The following CIMIP6 variants were observed in gnomAD, a reference collection of about 807,000 sequenced individuals.
The protein encoded by CIMIP6 is ciliary microtubule inner protein 6.
the CIMIP6 span, among the ~76,000 whole-genome samples, chr2:54,374,399 A>G: frequency 6.6e-6 from 1 of 152,220 alleles, no homozygotes; most frequent in Non-Finnish European, 1.5e-5. Flanking sequence ...TGAGATTATA[A>G]AACTTGTTTG....
the CIMIP6 span, among the ~76,000 whole-genome samples, chr2:54,352,945 C>T: frequency 6.6e-6 from 1 of 152,288 alleles, no homozygotes; most frequent in East Asian, 1.9e-4. Flanking sequence ...ATCTTTTAAA[C>T]TTACTGTTCC....
the CIMIP6 span, among the ~76,000 whole-genome samples, chr2:54,378,619 T>C: frequency 1.3e-5 from 2 of 152,176 alleles, no homozygotes; most frequent in African/African-American, 2.4e-5. Context: ...CATATTATAA[T>C]TAACAATAAA....
the CIMIP6 span, among the ~76,000 whole-genome samples, chr2:54,379,733 T>C: frequency 1.3e-5 from 2 of 151,830 alleles, no homozygotes; most frequent in African/African-American, 2.4e-5. Flanking sequence ...TCCCAGCACT[T>C]TGGAGGCCAA....
chr2:54,352,847 G>T, the CIMIP6 span, among the ~76,000 whole-genome samples: 2 of 152,122 alleles, frequency 1.3e-5, no homozygotes, highest in Non-Finnish European at 2.9e-5. Flanking sequence ...TATTTTTGTG[G>T]TTTATTTTTC....
At chr2:54,371,940 A>C in the CIMIP6 span, among the ~76,000 whole-genome samples, 1 of 152,174 alleles carries the variant, frequency 6.6e-6, no homozygotes. Flanking sequence ...TTATCTGTTA[A>C]ATGATAATGT....
At chr2:54,343,716 A>G in the CIMIP6 span, 4 of 1,577,982 alleles carry the variant, frequency 2.5e-6, no homozygotes, top group Admixed American at 3.9e-5. Context: ...TATTTTCTAT[A>G]AAGGGTGACT....
the CIMIP6 span, among the ~76,000 whole-genome samples, chr2:54,366,129 G>A: frequency 6.6e-6 from 1 of 152,178 alleles, no homozygotes; most frequent in African/African-American, 2.4e-5. Flanking sequence ...AATAAAGACA[G>A]TATTTCCCAG....
chr2:54,346,033 A>AT, the CIMIP6 span, among the ~76,000 whole-genome samples: 1 of 152,066 alleles, frequency 6.6e-6, no homozygotes, highest in South Asian at 2.1e-4. Flanking sequence ...ATACTAAACC[A>AT]TTTTTTTTCA....
At chr2:54,371,758 G>T in the CIMIP6 span, among the ~76,000 whole-genome samples, 1 of 152,348 alleles carries the variant, frequency 6.6e-6, no homozygotes, top group African/African-American at 2.4e-5. Context: ...CCCACAATGT[G>T]GGTGGGCACA....
At chr2:54,340,703 G>C in the CIMIP6 span, among the ~76,000 whole-genome samples, 1 of 152,148 alleles carries the variant, frequency 6.6e-6, no homozygotes, top group Non-Finnish European at 1.5e-5. Context: ...CTTTATGTTT[G>C]TGAAACAAAG....
At chr2:54,379,874 G>A in the CIMIP6 span, among the ~76,000 whole-genome samples, 2 of 151,860 alleles carry the variant, frequency 1.3e-5, no homozygotes, top group Non-Finnish European at 2.9e-5. Flanking sequence ...CTACTCAGGA[G>A]CCTGAGGCAA....
chr2:54,347,888 CACTTA>C, the CIMIP6 span, among the ~76,000 whole-genome samples: 5 of 152,188 alleles, frequency 3.3e-5, no homozygotes, highest in Non-Finnish European at 7.3e-5. Context: ...TCCCCCATAG[CACTTA>C]ACTTCCAGTT....
chr2:54,347,989 C>G, the CIMIP6 span, among the ~76,000 whole-genome samples: 2 of 152,124 alleles, frequency 1.3e-5, no homozygotes, highest in East Asian at 3.8e-4. Context: ...TTATTTAGTT[C>G]TTTTCTTCCT....
the CIMIP6 span, among the ~76,000 whole-genome samples, chr2:54,348,762 AAATATGCACT>A: frequency 6.6e-6 from 1 of 152,216 alleles, no homozygotes; most frequent in African/African-American, 2.4e-5. Flanking sequence ...ATGTGCATAT[AAATATGCACT>A]AATACCAATT....
the CIMIP6 span, among the ~76,000 whole-genome samples, chr2:54,370,240 G>C: frequency 6.6e-6 from 1 of 152,006 alleles, no homozygotes; most frequent in Non-Finnish European, 1.5e-5. Flanking sequence ...GGGCAGCAGA[G>C]TAAGACTCTG....
the CIMIP6 span, among the ~76,000 whole-genome samples, chr2:54,333,315 G>T: frequency 6.6e-6 from 1 of 152,214 alleles, no homozygotes; most frequent in East Asian, 1.9e-4. Flanking sequence ...TCTAGGAAAA[G>T]CTGCTGAGGA....
At chr2:54,334,216 T>A in the CIMIP6 span, among the ~76,000 whole-genome samples, 3 of 152,226 alleles carry the variant, frequency 2.0e-5, no homozygotes, top group African/African-American at 7.2e-5. Flanking sequence ...TATACATTTT[T>A]AAAATATTTT....
the CIMIP6 span, among the ~76,000 whole-genome samples, chr2:54,333,978 TG>T: frequency 6.6e-6 from 1 of 152,200 alleles, no homozygotes; most frequent in East Asian, 1.9e-4. Flanking sequence ...TTAAGGGCTG[TG>T]TATAAGATTA....
chr2:54,364,966 C>T, the CIMIP6 span, among the ~76,000 whole-genome samples: 1 of 152,070 alleles, frequency 6.6e-6, no homozygotes, highest in Non-Finnish European at 1.5e-5. Context: ...AGAGGTGAGA[C>T]TAAATAAGCA....
Sources: gnomAD v4.1 joint callset for allele counts (sites outside exome capture counted in the v4.1 genomes callset) on GRCh38, gnomAD v4.1.1 for gene constraint, MANE v1.5 for transcripts, NCBI Gene and HGNC (gene_info 2026-07-23, HGNC 2026-07-21) for gene names.